RPL7A: variants seen among roughly 807,000 people sequenced by gnomAD.
RPL7A encodes large ribosomal subunit protein eL8.
For missense variants in RPL7A, 291 were observed against 338.2 expected (o/e 0.86, Z 1.09); for synonymous variants, 158 against 128.2 (o/e 1.23, Z -1.57).
At chr9:133,351,127 ACTGG>A in intron 7 of RPL7A, 56 bp downstream of exon 7, 1 of 1,587,410 alleles carries the variant, frequency 6.3e-7, no homozygotes, top group Non-Finnish European at 8.6e-7. Flanking sequence ...CTCCCAAATA[ACTGG>A]CTGGCTTAAC....
At position 133,351,098 on chromosome 9, in the gene RPL7A, C is replaced by CT. The variant is rs2129998064; in HGVS notation, c.696+28dup. ...TAAGAGGCAGCTTTACACCAAAATA[C>CT]TGTCATTCACAAATCTTTCTCCCAA... On this transcript the variant is annotated intron_variant, in intron 7 of 7. Transcript: ENST00000323345. The CT allele has an allele frequency of 1.1e-5, 18 of 1,605,080 alleles. No homozygotes were observed. In the Admixed American group the frequency reaches 1.2e-4, roughly 10 times the overall value.
chr9:133,349,331 C>G (rs782376974), intron 2 of RPL7A: 1 of 820,684 alleles, frequency 1.2e-6, no homozygotes, highest in South Asian at 1.3e-5. Flanking sequence ...TGCTGTACTT[C>G]GTGGCACCTT....
In RPL7A at chr9:133,348,260, A is replaced by G. The variant is rs2129977392; in HGVS notation, c.3+14A>G. 2.5e-6 allele frequency: 4 copies of G among 1,614,026 alleles called. No individual in the cohort carries two copies. Among genetic ancestry groups the G allele is most frequent in the Admixed American group, 1.7e-5 (1 of 60,026 alleles). ...CCGCCCAAGATGGTGAGTGAGCTGT[A>G]GTTCCGTGGCACTATAGCCAGGTTC... On this transcript the variant is annotated intron_variant, in intron 1 of 7. Coordinates refer to ENST00000323345, the MANE Select transcript of RPL7A (RefSeq NM_000972.3).
rs2129994451 is a variant in RPL7A, at chr9:133,350,532, T to TA, written c.496-64dup. On this transcript the variant is annotated intron_variant, in intron 5 of 7. Transcript: ENST00000323345. ...GAGCTTTTTAACCCTGAGCAATTGT[T>TA]ACAAGCTAACTGAAATTTGCTGCTT... The TA allele has an allele frequency of 3.1e-6, 5 of 1,612,966 alleles. No individual in the cohort carries two copies. The African/African-American group carries it at 5.3e-5, about 17-fold the overall frequency.
At chr9:133,349,762 A>C (rs781938514) in intron 3 of RPL7A, 62 bp downstream of exon 3, 1 of 1,602,920 alleles carries the variant, frequency 6.2e-7, no homozygotes, top group Non-Finnish European at 8.5e-7. Flanking sequence ...CATCCAGAAC[A>C]TGAGGGGGAT....
chr9:133,348,882 G>C (rs2129981823), intron 1 of RPL7A, 40 bp from the exon 2 acceptor site: 1 of 1,613,178 alleles, frequency 6.2e-7, no homozygotes. Flanking sequence ...GACGAAGCGA[G>C]TGGAGGCGGC....
At chr9:133,348,889 C>T (rs2129981878) in intron 1 of RPL7A, 33 bp from the exon 2 acceptor site, 3 of 1,612,710 alleles carry the variant, frequency 1.9e-6, no homozygotes, top group Non-Finnish European at 2.5e-6. Context: ...CGAGTGGAGG[C>T]GGCGGTTTAA....
At chr9:133,348,423 C>T (rs1199202043) in intron 1 of RPL7A, 177 bp downstream of exon 1, 1 of 884,332 alleles carries the variant, frequency 1.1e-6, no homozygotes, top group Non-Finnish European at 1.8e-6. Flanking sequence ...GGCACGGAGA[C>T]ATTGAGATGG....
In RPL7A at chr9:133,350,982, T is replaced by C. The variant is rs2129997434; in HGVS notation, c.627-20T>C. On this transcript the variant is annotated intron_variant, in intron 6 of 7. Coordinates refer to ENST00000323345, the MANE Select transcript of RPL7A (RefSeq NM_000972.3). ...AACTAAGGCAAAAAACCCACTTTTG[T>C]TTCCCCTCCTGCCTTTTAGGGAAGA... is the stretch of plus-strand genomic sequence containing the variant. The C allele has an allele frequency of 6.2e-7, 1 of 1,613,808 alleles. No individual in the cohort carries two copies. Among genetic ancestry groups the C allele is most frequent in the Admixed American group, 1.7e-5 (1 of 59,980 alleles).
rs11549050 is a variant in RPL7A, at chr9:133,350,618, C to T, written c.517C>T (p.Leu173=). The T allele has an allele frequency of 1.5e-4, 245 of 1,613,968 alleles. No individual in the cohort carries two copies. The highest frequency in any genetic ancestry group is 1.9e-4 in the Non-Finnish European group (225 of 1,179,978). The stretch of plus-strand genomic sequence containing the variant: ...CCAGCTGGTTGTCTTCTTGCCTGCC[C>T]TGTGTCGTAAAATGGGGGTCCCTTA... ...PIELVVFLPA[L]CRKMGVPYCI... The change falls in exon 6 of 8, where the codon CTG becomes TTG. Residue 173 remains leucine, a synonymous_variant. Coordinates refer to ENST00000323345, the MANE Select transcript of RPL7A (RefSeq NM_000972.3).
intron 2 of RPL7A, chr9:133,349,325 G>C: frequency 1.2e-6 from 1 of 812,550 alleles, no homozygotes; most frequent in South Asian, 1.3e-5. Flanking sequence ...CAATTCTGCT[G>C]TACTTCGTGG....
intron 2 of RPL7A, 102 bp downstream of exon 2, chr9:133,349,144 G>A (rs1836306381): frequency 1.5e-6 from 2 of 1,372,108 alleles, no homozygotes; most frequent in African/African-American, 1.4e-5. Context: ...GTGTAAAGTG[G>A]TCGCAGTCCT....
chr9:133,350,727 C>G lies in RPL7A; in HGVS notation c.626C>G (p.Ser209Trp), dbSNP rs145696639. The change falls in exon 6 of 8, where the codon TCG becomes TGG. Residue 209 changes from serine to tryptophan, a missense_variant and splice_region_variant. Transcript: ENST00000323345. ...CTTVAFTQVNSEDKGALAKLV... is the reference protein window; with the variant it reads ...CTTVAFTQVNWEDKGALAKLV... The stretch of plus-strand genomic sequence containing the variant: ...ACTGTCGCCTTCACACAGGTGAACT[C>G]GTAAGTACACAGCCTGGCCCCAAAC... 1.4e-5 allele frequency: 23 copies of G among 1,613,334 alleles called. No individual in the cohort carries two copies. Among genetic ancestry groups the G allele is most frequent in the Non-Finnish European group, 2.0e-5 (23 of 1,179,418 alleles).
At chr9:133,348,273 T>C in intron 1 of RPL7A, 27 bp downstream of exon 1, 3 of 1,614,054 alleles carry the variant, frequency 1.9e-6, no homozygotes, top group Non-Finnish European at 2.5e-6. Flanking sequence ...TCCGTGGCAC[T>C]ATAGCCAGGT....
At chr9:133,350,869 C>T in intron 6 of RPL7A, 133 bp from the exon 7 acceptor site, 1 of 1,489,996 alleles carries the variant, frequency 6.7e-7, no homozygotes, top group Non-Finnish European at 9.4e-7. Flanking sequence ...TTAAGAATTT[C>T]TTCACCTGAA....
At chr9:133,351,201 ATAACC>A in intron 7 of RPL7A, 56 bp from the exon 8 acceptor site, 1 of 1,569,918 alleles carries the variant, frequency 6.4e-7, no homozygotes, top group Non-Finnish European at 8.8e-7. Flanking sequence ...AACGCAACTA[ATAACC>A]TTGAAAATCT....
At chr9:133,350,410 AGTG>A in intron 5 of RPL7A, 91 bp downstream of exon 5, 1 of 1,521,248 alleles carries the variant, frequency 6.6e-7, no homozygotes, top group Non-Finnish European at 9.1e-7. Context: ...ATGGGACCGA[AGTG>A]GGTGAGGGCA....
At chr9:133,350,468 GA>G (rs1213004869) in intron 5 of RPL7A, 128 bp from the exon 6 acceptor site, 1 of 1,537,514 alleles carries the variant, frequency 6.5e-7, no homozygotes, top group African/African-American at 1.4e-5. Flanking sequence ...GCAATGATGT[GA>G]ATCTCTCACT....
Position 133,350,308 on chromosome 9 carries a change from G to A in RPL7A, c.484G>A (p.Asp162Asn). 10 of 1,614,048 alleles carry A rather than the reference G, an allele frequency of 6.2e-6. No individual in the cohort carries two copies. Among genetic ancestry groups the A allele is most frequent in the Non-Finnish European group, 8.5e-6 (10 of 1,180,022 alleles). ...GCTGGTGGTGATTGCACACGACGTG[G>A]ATCCCATCGAGGTGCGTTTGCCTGT... ...AQLVVIAHDV[D>N]PIELVVFLPA... is the part of the protein sequence containing the mutation. Residue 162 changes from aspartate (D) to asparagine (N), a missense_variant, in exon 5 of 8, where the codon GAT (aspartate) becomes AAT (asparagine). Transcript: ENST00000323345.
Sources: gnomAD v4.1 joint callset for allele counts on GRCh38, gnomAD v4.1.1 for gene constraint, MANE v1.5 for transcripts, NCBI Gene and HGNC (gene_info 2026-07-23, HGNC 2026-07-21) for gene names.